ZFPM1: variants seen among roughly 807,000 people sequenced by gnomAD.
ZFPM1 encodes zinc finger protein, FOG family member 1, also known as zinc finger protein ZFPM1.
Under a neutral mutation model 46.3 loss-of-function variants are expected in ZFPM1, and 28 were observed. The observed-to-expected ratio is 0.60, with a 90% CI of 0.45 to 0.83. The LOEUF (loss-of-function observed/expected upper bound fraction) is 0.83, where lower values mean the gene tolerates loss of function less well. Ranked by LOEUF, ZFPM1 falls within the 40% of genes least tolerant of loss-of-function variation. The pLI is 0.00. For synonymous variants in ZFPM1, 957 were observed against 675.9 expected (o/e 1.42, Z -6.45); for missense variants, 1,878 against 1,432.4 (o/e 1.31, Z -5.02).
At chr16:88,466,601 G>A (rs1908145456) in intron 1 of ZFPM1, among the ~76,000 whole-genome samples, 1 of 152,242 alleles carries the variant, frequency 6.6e-6, no homozygotes, top group South Asian at 2.1e-4. Context: ...GGAGGGGATG[G>A]GCGGAGGCTG....
At chr16:88,516,057 C>T (rs1432297934) in intron 4 of ZFPM1, 4 of 398,310 alleles carry the variant, frequency 1.0e-5, no homozygotes, top group Non-Finnish European at 1.8e-5. Flanking sequence ...ACACGCCCAT[C>T]CTCACTTCCT....
In ZFPM1 at chr16:88,534,789, C is replaced by T. The variant is rs1426514243; in HGVS notation, c.2831C>T (p.Pro944Leu). The change falls in exon 10 of 10, where the codon CCG becomes CTG. Residue 944 changes from proline to leucine, a missense_variant. Transcript: ENST00000319555. ...CCGGCCGCCGCGCCCGAGGCCGTGC[C>T]GCCCCCGCCGGCGCCCCCCTCCTAC... ...PSPAAAPEAV[P>L]PPPAPPSYSD... is the part of the protein sequence containing the mutation. 3 of 1,343,204 alleles carry T rather than the reference C, an allele frequency of 2.2e-6. No homozygotes were observed. The highest frequency in any genetic ancestry group is 2.0e-5 in the South Asian group (1 of 50,956). 83.2% of individuals were successfully genotyped at this position (1,343,204 alleles called of 1,614,324 possible).
intron 1 of ZFPM1, among the ~76,000 whole-genome samples, chr16:88,454,449 G>A (rs569596570): frequency 2.6e-5 from 4 of 152,310 alleles, no homozygotes; most frequent in African/African-American, 7.2e-5. Flanking sequence ...GATGCCCGCG[G>A]GCACCCCCTG....
chr16:88,533,624 C>G lies in ZFPM1; in HGVS notation c.1666C>G (p.Gln556Glu). ...MSELVHSRLQQGAGAGAGGAQ... is the reference protein window; with the variant it reads ...MSELVHSRLQEGAGAGAGGAQ... Reference sequence around the variant, plus strand: ...CGAGCTGGTGCACAGCCGGCTGCAGCAGGGCGCGGGCGCGGGCGCCGGCGG... The same window carrying G: ...CGAGCTGGTGCACAGCCGGCTGCAGGAGGGCGCGGGCGCGGGCGCCGGCGG... Residue 556 changes from glutamine to glutamate, a missense_variant, in exon 10 of 10, where the codon CAG (glutamine) becomes GAG (glutamate). Gln to Glu is a conservative substitution (Grantham distance 29, BLOSUM62 2). Transcript: ENST00000319555. The G allele has an allele frequency of 1.4e-6, 2 of 1,470,388 alleles. No homozygotes were observed. Among genetic ancestry groups the G allele is most frequent in the African/African-American group, 1.5e-5 (1 of 66,946 alleles). The allele number at this position is 1,470,388 out of a possible 1,614,324, so 91.1% of individuals were successfully genotyped here.
At chr16:88,518,176 G>A (rs1911478097) in intron 4 of ZFPM1, among the ~76,000 whole-genome samples, 1 of 151,716 alleles carries the variant, frequency 6.6e-6, no homozygotes, top group Non-Finnish European at 1.5e-5. Context: ...CTGCACTCCA[G>A]CCTAGGCGAC....
Position 88,491,047 on chromosome 16 carries a change from G to C in ZFPM1, c.268+1894G>C, listed in dbSNP as rs866479662. 6.4e-3 allele frequency among the ~76,000 whole-genome samples: 894 copies of C among 139,824 alleles called. 7 individuals are homozygous for C. The highest frequency in any genetic ancestry group is 0.023 in the African/African-American group (820 of 36,334). 91.7% of individuals were successfully genotyped at this position (139,824 alleles called of 152,430 possible). A position where few individuals can be genotyped will look rare whatever the true frequency, so the allele number is the denominator to read the frequency against. ...TCTCGGTCAGGCGCTGGTGCCTTCG[G>C]GGGTCTCGGTCAGGCGCTGGTGCCT... is the stretch of plus-strand genomic sequence containing the variant. On this transcript the variant is annotated intron_variant, in intron 3 of 9. Transcript: ENST00000319555.
In ZFPM1 at chr16:88,535,057, C is replaced by G; in HGVS notation, c.*78C>G. On this transcript the variant is annotated 3_prime_UTR_variant, in exon 10 of 10. Coordinates refer to ENST00000319555, the MANE Select transcript of ZFPM1 (RefSeq NM_153813.3). ...GGGGGCCGCCCCCAGGCCGCACGGACTGCCGCTCCTGGGAACCCCGCCACG... is the reference window on the plus strand; with the variant it reads ...GGGGGCCGCCCCCAGGCCGCACGGAGTGCCGCTCCTGGGAACCCCGCCACG... 1 of 1,338,740 alleles carries G rather than the reference C, an allele frequency of 7.5e-7. No homozygotes were observed. The highest frequency in any genetic ancestry group is 9.6e-7 in the Non-Finnish European group (1 of 1,039,118). 82.9% of individuals were successfully genotyped at this position (1,338,740 alleles called of 1,614,324 possible). A position where few individuals can be genotyped will look rare whatever the true frequency, so the allele number is the denominator to read the frequency against.
At chr16:88,528,311 G>A in intron 6 of ZFPM1, 73 bp downstream of exon 6, 1 of 1,449,810 alleles carries the variant, frequency 6.9e-7, no homozygotes, top group Non-Finnish European at 9.2e-7. Context: ...GAGAGGGTGG[G>A]AGCTGAGGGT....
At chr16:88,527,710 C>G (rs1912457322) in intron 5 of ZFPM1, among the ~76,000 whole-genome samples, 1 of 151,980 alleles carries the variant, frequency 6.6e-6, no homozygotes, top group Non-Finnish European at 1.5e-5. Context: ...CCACCTCTGG[C>G]TGCCGTCCCT....
Position 88,533,237 on chromosome 16 carries a change from G to A in ZFPM1, c.1279G>A (p.Gly427Arg). The A allele has an allele frequency of 6.4e-7, 1 of 1,563,084 alleles. No homozygotes were observed. The highest frequency in any genetic ancestry group is 1.2e-5 in the South Asian group (1 of 85,920). ...DLGLAPTPSP[G>R]LDRKALAEAT... Reference sequence around the variant, plus strand: ...GGGCCTGGCGCCCACCCCATCGCCAGGACTGGACAGAAAGGCCCTGGCCGA... The same window carrying A: ...GGGCCTGGCGCCCACCCCATCGCCAAGACTGGACAGAAAGGCCCTGGCCGA... Residue 427 changes from glycine to arginine, a missense_variant, in exon 10 of 10, where the codon GGA becomes AGA. Coordinates refer to ENST00000319555, the MANE Select transcript of ZFPM1 (RefSeq NM_153813.3).
rs747907787 is a variant in ZFPM1 at position 88,532,160 on chromosome 16, G to A, written c.871G>A (p.Val291Ile). ...KPKETYPNER[V>I]CPFPQCRKSC... Reference sequence around the variant, plus strand: ...CAAAGAGACCTACCCCAACGAGCGCGTCTGCCCCTTCCCCCAGTGCCGCAA... The same window carrying A: ...CAAAGAGACCTACCCCAACGAGCGCATCTGCCCCTTCCCCCAGTGCCGCAA... The change falls in exon 7 of 10, where the codon GTC becomes ATC. Residue 291 changes from valine (V) to isoleucine (I), a missense_variant. By Grantham distance (29) the Val-to-Ile change is conservative. Transcript: ENST00000319555. The A allele has an allele frequency of 6.2e-6, 10 of 1,612,462 alleles. No individual in the cohort carries two copies. Among genetic ancestry groups the A allele is most frequent in the South Asian group, 2.2e-5 (2 of 91,042 alleles).
At chr16:88,460,272 T>A (rs11641076) in intron 1 of ZFPM1, among the ~76,000 whole-genome samples, 16,652 of 152,144 alleles carry the variant, frequency 0.11, 930 homozygotes, top group African/African-American at 0.13. Context: ...CCCAGCCTAC[T>A]GTTGGCAGGG....
At chr16:88,491,923 T>G (rs974926120) in intron 3 of ZFPM1, among the ~76,000 whole-genome samples, 2 of 152,140 alleles carry the variant, frequency 1.3e-5, no homozygotes, top group Non-Finnish European at 2.9e-5. Flanking sequence ...CGTGCGTCGA[T>G]GGCCAGCAGG....
chr16:88,494,298 G>A (rs1171974863), intron 3 of ZFPM1, among the ~76,000 whole-genome samples: 1 of 152,140 alleles, frequency 6.6e-6, no homozygotes, highest in Non-Finnish European at 1.5e-5. Context: ...CCCCGTCGGT[G>A]GCAGTCACCA....
chr16:88,496,433 G>A (rs1909934140), intron 3 of ZFPM1, among the ~76,000 whole-genome samples: 1 of 152,034 alleles, frequency 6.6e-6, no homozygotes, highest in African/African-American at 2.4e-5. Flanking sequence ...CAGTTCCCGG[G>A]CAAGCAATCC....
chr16:88,468,673 C>G (rs1325843861), intron 1 of ZFPM1, among the ~76,000 whole-genome samples: 1 of 152,116 alleles, frequency 6.6e-6, no homozygotes, highest in Non-Finnish European at 1.5e-5. Context: ...ATCTGATACC[C>G]CCAGGGCCCC....
intron 1 of ZFPM1, among the ~76,000 whole-genome samples, chr16:88,463,986 G>C (rs1908013685): frequency 1.3e-5 from 2 of 152,224 alleles, no homozygotes; most frequent in South Asian, 4.1e-4. Flanking sequence ...GCACTTCCAG[G>C]AAGTCCCAGA....
chr16:88,513,628 T>C (rs1218390328), intron 3 of ZFPM1, among the ~76,000 whole-genome samples: 1 of 152,146 alleles, frequency 6.6e-6, no homozygotes, highest in East Asian at 1.9e-4. Flanking sequence ...AGGAGGCAGG[T>C]GAGGGCCAGG....
chr16:88,534,004 C>A lies in ZFPM1; in HGVS notation c.2046C>A (p.Arg682=). ...ACGACGCGGAGGACGACCCCAGCCG[C>A]ACGCTGTGCGAGGCCTGCAACATCC... is the stretch of plus-strand genomic sequence containing the variant. The part of the protein sequence containing the change: ...SVDDAEDDPS[R]TLCEACNIRF... The change falls in exon 10 of 10, where the codon CGC becomes CGA. Residue 682 remains arginine (R), a synonymous_variant. Transcript: ENST00000319555. 7.3e-7 allele frequency: 1 copy of A among 1,379,056 alleles called. No individual in the cohort carries two copies. The highest frequency in any genetic ancestry group is 1.2e-5 in the South Asian group (1 of 81,640). 85.4% of individuals were successfully genotyped at this position (1,379,056 alleles called of 1,614,324 possible).
Sources: gnomAD v4.1 joint callset for allele counts (sites outside exome capture counted in the v4.1 genomes callset) on GRCh38, gnomAD v4.1.1 for gene constraint, MANE v1.5 for transcripts, NCBI Gene and HGNC (gene_info 2026-07-23, HGNC 2026-07-21) for gene names.